The following FER1L6 variants were observed in gnomAD, a reference collection of about 807,000 sequenced individuals.
FER1L6 encodes fer-1-like protein 6.
A neutral mutation model predicts 219.2 loss-of-function variants in FER1L6; 177 were observed. The ratio of observed to expected loss-of-function variants is 0.81; its 90% CI spans 0.71 to 0.91. The LOEUF (loss-of-function observed/expected upper bound fraction) is 0.91, where lower values mean the gene tolerates loss of function less well. FER1L6 is among the 40% of genes least tolerant of loss of function. The probability of loss-of-function intolerance (pLI) is 0.00; values close to 1 mark genes in which losing one functional copy is unlikely to be tolerated. For missense variants in FER1L6, 2,153 were observed against 2,259.9 expected, an observed-to-expected ratio of 0.95 and a Z score of 0.96; for synonymous variants, 768 against 824.3, an observed-to-expected ratio of 0.93 and a Z score of 1.17.
intron 37 of FER1L6, among the ~76,000 whole-genome samples, chr8:124,098,897 G>A (rs7822557): frequency 0.8 from 121,193 of 152,076 alleles, 48,673 homozygotes; most frequent in Non-Finnish European, 0.86. Context: ...CCACCAAAGC[G>A]ACAGTGCTCT....
At chr8:124,079,924 C>G (rs543493906) in intron 32 of FER1L6, among the ~76,000 whole-genome samples, 35 of 152,290 alleles carry the variant, frequency 2.3e-4, no homozygotes, top group Admixed American at 1.2e-3. Context: ...CCTCCCCAGA[C>G]AGGTGTACTA....
In FER1L6 at chr8:123,960,558, A is replaced by C. The variant is rs76167877; in HGVS notation, c.77-2720A>C. Among the ~76,000 whole-genome samples the C allele has an allele frequency of 8.3e-3, 1,267 of 152,320 alleles. 18 individuals carry two copies. Among genetic ancestry groups the C allele is most frequent in the African/African-American group, 0.027 (1,126 of 41,556 alleles). On this transcript the variant is annotated intron_variant, in intron 2 of 40. Coordinates refer to ENST00000522917, the MANE Select transcript of FER1L6 (RefSeq NM_001039112.2). ...ACTACCACTAACTCAGTGACTTAGAAGAAGGCAGATGTATTCTCTCTCAGT... is the reference window on the plus strand; with the variant it reads ...ACTACCACTAACTCAGTGACTTAGACGAAGGCAGATGTATTCTCTCTCAGT...
At chr8:124,063,453 T>A (rs919597656) in intron 25 of FER1L6, among the ~76,000 whole-genome samples, 1 of 152,228 alleles carries the variant, frequency 6.6e-6, no homozygotes. Context: ...ATCATCTGCA[T>A]TTATATATGA....
intron 39 of FER1L6, among the ~76,000 whole-genome samples, chr8:124,114,883 G>T (rs1156832402): frequency 8.2e-6 from 1 of 121,778 alleles, no homozygotes; most frequent in South Asian, 2.8e-4. Context: ...TATATATGCA[G>T]TGTGTGTGTG....
At chr8:123,968,711 G>A (rs951342369) in intron 5 of FER1L6, among the ~76,000 whole-genome samples, 64 of 152,134 alleles carry the variant, frequency 4.2e-4, no homozygotes, top group African/African-American at 1.3e-3. Context: ...TTAAACAGAA[G>A]ACACTGAACA....
At chr8:124,116,209 T>C (rs755585004) in intron 39 of FER1L6, among the ~76,000 whole-genome samples, 5 of 152,228 alleles carry the variant, frequency 3.3e-5, no homozygotes, top group African/African-American at 4.8e-5. Context: ...TCCTTGGCTG[T>C]AAAATGGTAA....
In FER1L6 at chr8:124,035,457, A is replaced by AG. The variant is rs1819157471; in HGVS notation, c.2464+6dup. 1 of 1,611,528 alleles carries AG rather than the reference A, an allele frequency of 6.2e-7. No homozygotes were observed. Among genetic ancestry groups the AG allele is most frequent in the Admixed American group, 1.7e-5 (1 of 59,854 alleles). On this transcript the variant is annotated splice_donor_region_variant and intron_variant, in intron 19 of 40. Coordinates refer to ENST00000522917, the MANE Select transcript of FER1L6 (RefSeq NM_001039112.2). ...CCCATCTAACCTGCTCTACCAAGGT[A>AG]GGGTCCCCACTGGGCAAAGAGGGTC...
chr8:124,064,986 T>C (rs1017083243), intron 26 of FER1L6, among the ~76,000 whole-genome samples: 3 of 152,148 alleles, frequency 2.0e-5, no homozygotes, highest in East Asian at 3.9e-4. Context: ...GAAGGAGAGA[T>C]TGACAAGTAC....
rs550691803 is a variant in FER1L6 at position 123,946,138 on chromosome 8, T to C, written c.-7-9854T>C. Among the ~76,000 whole-genome samples, 6 of 152,312 alleles carry C rather than the reference T, an allele frequency of 3.9e-5. No individual in the cohort carries two copies. In the South Asian group the frequency reaches 1.2e-3, roughly 32 times the overall value. ...TGGCTAAACACAGGATAAATGAACA[T>C]CCAGAAGTACTAGCTCTTCCAATGA... is the stretch of plus-strand genomic sequence containing the variant. On this transcript the variant is annotated intron_variant, in intron 1 of 40. Coordinates refer to ENST00000522917, the MANE Select transcript of FER1L6 (RefSeq NM_001039112.2).
chr8:123,916,822 A>G (rs16893056), intron 1 of FER1L6, among the ~76,000 whole-genome samples: 3,687 of 152,252 alleles, frequency 0.024, 147 homozygotes, highest in African/African-American at 0.084. Flanking sequence ...CCAGCAATTA[A>G]TGCGTCAATG....
chr8:124,008,875 C>T (rs924393606), intron 13 of FER1L6, among the ~76,000 whole-genome samples: 1 of 152,124 alleles, frequency 6.6e-6, no homozygotes, highest in Admixed American at 6.6e-5. Context: ...AAAAAATGCT[C>T]AACATCACTA....
chr8:123,989,441 T>A (rs1214908272), intron 12 of FER1L6, among the ~76,000 whole-genome samples: 1 of 152,196 alleles, frequency 6.6e-6, no homozygotes, highest in Admixed American at 6.5e-5. Context: ...TAGTTTTCGG[T>A]AACGTGGATG....
intron 13 of FER1L6, among the ~76,000 whole-genome samples, chr8:124,008,741 G>T (rs760618294): frequency 6.6e-6 from 1 of 152,012 alleles, no homozygotes; most frequent in Non-Finnish European, 1.5e-5. Context: ...ATCTGACAAA[G>T]AATTAATATC....
In FER1L6 at chr8:124,039,905, G is replaced by T; in HGVS notation, c.2488G>T (p.Ala830Ser). 6.2e-7 allele frequency: 1 copy of T among 1,614,070 alleles called. No homozygotes were observed. Among genetic ancestry groups the T allele is most frequent in the South Asian group, 1.1e-5 (1 of 91,076 alleles). ...YQEQHVFQLR[A>S]HMYQARGLIA... ...AGAACAGCATGTTTTTCAGCTGAGG[G>T]CTCACATGTACCAAGCCCGGGGCCT... Residue 830 changes from alanine to serine, a missense_variant, in exon 20 of 41, where the codon GCT becomes TCT. Ala to Ser is a moderately conservative substitution (Grantham distance 99). Transcript: ENST00000522917.
At chr8:124,034,975 A>G (rs993716410) in intron 18 of FER1L6, among the ~76,000 whole-genome samples, 1 of 152,206 alleles carries the variant, frequency 6.6e-6, no homozygotes, top group African/African-American at 2.4e-5. Context: ...CATTTATCAA[A>G]TGGTGGCAAT....
At chr8:123,943,358 A>G (rs1233990436) in intron 1 of FER1L6, among the ~76,000 whole-genome samples, 1 of 152,162 alleles carries the variant, frequency 6.6e-6, no homozygotes, top group East Asian at 1.9e-4. Context: ...ACTTGAAATA[A>G]AACATATTGG....
intron 39 of FER1L6, among the ~76,000 whole-genome samples, chr8:124,115,048 T>C (rs1469249185): frequency 6.6e-6 from 1 of 151,544 alleles, no homozygotes; most frequent in African/African-American, 2.4e-5. Flanking sequence ...GCTGAAGGCA[T>C]GTCCATTCCA....
chr8:123,967,941 G>A (rs1194667284), intron 5 of FER1L6, among the ~76,000 whole-genome samples: 2 of 151,524 alleles, frequency 1.3e-5, no homozygotes, highest in Non-Finnish European at 2.9e-5. Context: ...GGGCAACAAA[G>A]CAAGACGTTG....
At chr8:123,928,388 T>A (rs1214886069) in intron 1 of FER1L6, among the ~76,000 whole-genome samples, 1 of 152,192 alleles carries the variant, frequency 6.6e-6, no homozygotes, top group East Asian at 1.9e-4. Flanking sequence ...CCAGATGGCT[T>A]GCATTTGAGA....
Sources: gnomAD v4.1 joint callset for allele counts (sites outside exome capture counted in the v4.1 genomes callset) on GRCh38, gnomAD v4.1.1 for gene constraint, MANE v1.5 for transcripts, NCBI Gene and HGNC (gene_info 2026-07-23, HGNC 2026-07-21) for gene names.